CTNNA3: variants seen among roughly 807,000 people sequenced by gnomAD.
CTNNA3 encodes catenin alpha 3.
In CTNNA3, 76 loss-of-function variants were observed where a neutral mutation model predicts 95.7. The observed-to-expected ratio is 0.79, with a 90% CI of 0.66 to 0.96. CTNNA3 has a LOEUF of 0.96. Ranked by LOEUF, CTNNA3 falls within the 40% of genes least tolerant of loss-of-function variation. The pLI is 0.00. For synonymous variants in CTNNA3, 431 were observed against 374.4 expected (o/e 1.15, Z -1.74); for missense variants, 1,191 against 1,089.8 (o/e 1.09, Z -1.31).
At chr10:66,491,182 T>A (rs1275471556) in intron 11 of CTNNA3, among the ~76,000 whole-genome samples, 1 of 152,138 alleles carries the variant, frequency 6.6e-6, no homozygotes, top group Admixed American at 6.5e-5. Flanking sequence ...TTGCTCTCAA[T>A]CCATCTCCTC....
chr10:66,982,319 T>A (rs1850487787), intron 7 of CTNNA3, among the ~76,000 whole-genome samples: 1 of 151,938 alleles, frequency 6.6e-6, no homozygotes, highest in Non-Finnish European at 1.5e-5. Context: ...GGCTTTGGAG[T>A]CAAACAGAAT....
intron 1 of CTNNA3, among the ~76,000 whole-genome samples, chr10:67,692,614 G>C (rs1171600159): frequency 7.4e-6 from 1 of 134,736 alleles, no homozygotes; most frequent in African/African-American, 2.9e-5. Flanking sequence ...GAAGGCCGCA[G>C]GGTCCTCTGC....
chr10:66,346,179 GAAATT>G (rs2092509391), intron 12 of CTNNA3, among the ~76,000 whole-genome samples: 1 of 145,100 alleles, frequency 6.9e-6, no homozygotes, highest in Non-Finnish European at 1.5e-5. Flanking sequence ...TGTAATATAG[GAAATT>G]AAATTGAATA....
chr10:67,026,457 TATAAC>T (rs1365422234), intron 7 of CTNNA3, among the ~76,000 whole-genome samples: 3 of 151,938 alleles, frequency 2.0e-5, no homozygotes, highest in Non-Finnish European at 1.5e-5. Flanking sequence ...AACAAAATAA[TATAAC>T]AAAACAAAAG....
In CTNNA3 at chr10:66,360,596, C is replaced by CTTCTTTCT. The variant is rs869161944; in HGVS notation, c.1732+18548_1732+18555dup. On this transcript the variant is annotated intron_variant, in intron 12 of 17. Coordinates refer to ENST00000433211, the MANE Select transcript of CTNNA3 (RefSeq NM_013266.4). The stretch of plus-strand genomic sequence containing the variant: ...AGGCTTACCTCTAATGTATTCTTTC[C>CTTCTTTCT]TTCTTTCTTTCTTTCTTTCTTTCTT... Among the ~76,000 whole-genome samples, 168 of 94,132 alleles carry CTTCTTTCT rather than the reference C, an allele frequency of 1.8e-3. 3 individuals carry two copies. The highest frequency in any genetic ancestry group is 6.2e-3 in the Middle Eastern group (1 of 162). 61.8% of individuals were successfully genotyped at this position (94,132 alleles called of 152,430 possible).
intron 10 of CTNNA3, among the ~76,000 whole-genome samples, chr10:66,553,316 A>G (rs1401254666): frequency 6.6e-6 from 1 of 151,352 alleles, no homozygotes; most frequent in Non-Finnish European, 1.5e-5. Flanking sequence ...ACATGTTGGC[A>G]TACACTTTAT....
chr10:66,318,960 A>T (rs900955094), intron 12 of CTNNA3, among the ~76,000 whole-genome samples: 2 of 151,756 alleles, frequency 1.3e-5, no homozygotes, highest in Non-Finnish European at 2.9e-5. Context: ...CTTTAAGAGC[A>T]CTCGTTCACG....
chr10:67,638,991 C>G (rs1363696521), intron 2 of CTNNA3, among the ~76,000 whole-genome samples: 2 of 151,900 alleles, frequency 1.3e-5, no homozygotes, highest in African/African-American at 4.8e-5. Context: ...TAGCAGAAAG[C>G]AAGAAATAAG....
chr10:67,727,850 ATATAT>A (rs1311306211), intron 1 of CTNNA3, among the ~76,000 whole-genome samples: 1 of 130,114 alleles, frequency 7.7e-6, no homozygotes, highest in Non-Finnish European at 1.5e-5. Context: ...AGTATATATC[ATATAT>A]TATATTATGT....
chr10:66,147,168 T>G (rs1186001374), intron 13 of CTNNA3, among the ~76,000 whole-genome samples: 1 of 152,138 alleles, frequency 6.6e-6, no homozygotes. Flanking sequence ...TAACCTTAAA[T>G]AGAAGAAAGT....
chr10:66,328,116 G>A (rs1047556668), intron 12 of CTNNA3, among the ~76,000 whole-genome samples: 2 of 151,982 alleles, frequency 1.3e-5, no homozygotes, highest in African/African-American at 2.4e-5. Flanking sequence ...CCAAAAGGTA[G>A]GTGTCTAGGG....
chr10:66,078,509 G>A (rs533861733), intron 14 of CTNNA3, among the ~76,000 whole-genome samples: 1 of 151,860 alleles, frequency 6.6e-6, no homozygotes, highest in East Asian at 1.9e-4. Context: ...CTTTGTTCAG[G>A]ACACTATATT....
At chr10:66,933,077 A>G (rs1452228365) in intron 7 of CTNNA3, among the ~76,000 whole-genome samples, 1 of 152,198 alleles carries the variant, frequency 6.6e-6, no homozygotes, top group East Asian at 1.9e-4. Flanking sequence ...GTAAACTCTA[A>G]AATGGCAACT....
intron 7 of CTNNA3, among the ~76,000 whole-genome samples, chr10:66,794,487 C>A (rs1841112594): frequency 6.6e-6 from 1 of 152,106 alleles, no homozygotes; most frequent in Admixed American, 6.6e-5. Flanking sequence ...AATGTACATA[C>A]CTTAATTTAA....
At chr10:66,488,635 A>C (rs1291292562) in intron 11 of CTNNA3, among the ~76,000 whole-genome samples, 1 of 152,204 alleles carries the variant, frequency 6.6e-6, no homozygotes, top group East Asian at 1.9e-4. Context: ...TTTATACTTA[A>C]ATATCACTGT....
At chr10:66,276,144 C>T (rs1279702055) in intron 13 of CTNNA3, among the ~76,000 whole-genome samples, 1 of 152,052 alleles carries the variant, frequency 6.6e-6, no homozygotes, top group African/African-American at 2.4e-5. Flanking sequence ...AAAATATGTT[C>T]CTATTCCCTG....
At chr10:67,559,880 G>C (rs572506844) in intron 3 of CTNNA3, among the ~76,000 whole-genome samples, 1 of 152,244 alleles carries the variant, frequency 6.6e-6, no homozygotes, top group African/African-American at 2.4e-5. Flanking sequence ...TGGAAGAAAG[G>C]GTATCAGTGA....
intron 15 of CTNNA3, among the ~76,000 whole-genome samples, chr10:66,010,197 T>G (rs571969586): frequency 6.6e-6 from 1 of 152,208 alleles, no homozygotes; most frequent in Non-Finnish European, 1.5e-5. Context: ...GTTACTATCA[T>G]CTACGATGTA....
intron 7 of CTNNA3, among the ~76,000 whole-genome samples, chr10:67,080,323 C>A (rs891036815): frequency 1.3e-5 from 2 of 152,074 alleles, no homozygotes; most frequent in Non-Finnish European, 2.9e-5. Context: ...CTACCTTTCA[C>A]AGAGAATCTG....
Sources: allele counts gnomAD v4.1 joint callset (sites outside exome capture counted in the v4.1 genomes callset), GRCh38; gene constraint gnomAD v4.1.1; transcripts MANE v1.5; gene names NCBI Gene and HGNC (gene_info 2026-07-23, HGNC 2026-07-21).